Variants in RGS7 observed in about 807,000 individuals in gnomAD.
RGS7 encodes the protein regulator of G protein signaling 7, also known as regulator of G-protein signaling 7.
In RGS7, 27 loss-of-function variants were observed where a neutral mutation model predicts 81.1. The observed-to-expected ratio is 0.33, with a 90% CI of 0.25 to 0.46. RGS7 has a LOEUF of 0.46. Among genes scored for constraint, RGS7 ranks in the 20% least tolerant of loss-of-function variants. RGS7 has a pLI of 1.00. For missense variants in RGS7, 396 were observed against 607.4 expected, an observed-to-expected ratio of 0.65 and a Z score of 3.66; for synonymous variants, 208 against 207.7, an observed-to-expected ratio of 1.00 and a Z score of -0.01.
rs146390099 is a variant in RGS7, at chr1:241,202,201, T to C, written c.79-103439A>G. ...AGAGGTATTTCTGTACCTGTCTCTG[T>C]GGAACTTGCAAACACAGAAAAGAAC... On this transcript the variant is annotated intron_variant, in intron 2 of 18. Transcript: ENST00000440928. Among the ~76,000 whole-genome samples, 958 of 152,306 alleles carry C rather than the reference T, an allele frequency of 6.3e-3. 7 individuals are homozygous for C. The highest frequency in any genetic ancestry group is 0.011 in the Non-Finnish European group (720 of 68,020).
At chr1:241,250,281 T>A (rs2076765487) in intron 2 of RGS7, among the ~76,000 whole-genome samples, 1 of 152,148 alleles carries the variant, frequency 6.6e-6, no homozygotes, top group East Asian at 1.9e-4. Flanking sequence ...ACAGAGAATT[T>A]TATCGAGGGG....
chr1:241,301,679 A>C (rs372355083), intron 2 of RGS7, among the ~76,000 whole-genome samples: 20 of 152,232 alleles, frequency 1.3e-4, no homozygotes, highest in African/African-American at 4.1e-4. Context: ...TTTGGAAGTA[A>C]ACTGATCTAA....
At chr1:241,123,623 T>C (rs1289125898) in intron 2 of RGS7, among the ~76,000 whole-genome samples, 1 of 152,126 alleles carries the variant, frequency 6.6e-6, no homozygotes, top group Non-Finnish European at 1.5e-5. Context: ...TGGTGGCACA[T>C]GCCTGTAATC....
rs537222565 is a variant in RGS7 at position 240,852,639 on chromosome 1, C to T, written c.609+15948G>A. Among the ~76,000 whole-genome samples the T allele has an allele frequency of 1.4e-3, 207 of 152,208 alleles. 1 individual carries two copies. The highest frequency in any genetic ancestry group is 4.4e-3 in the African/African-American group (184 of 41,526). ...ATCTACTGCCCATCTTTTTCCCCAA[C>T]TTGATGAAGACAGAGGTATTGATTC... On this transcript the variant is annotated intron_variant, in intron 9 of 18. Coordinates refer to ENST00000440928, the MANE Select transcript of RGS7 (RefSeq NM_001364886.1).
chr1:240,997,778 C>T (rs1687519782), intron 3 of RGS7, among the ~76,000 whole-genome samples: 1 of 152,298 alleles, frequency 6.6e-6, no homozygotes, highest in Non-Finnish European at 1.5e-5. Flanking sequence ...GAGCGGAGAT[C>T]GTGCCACTGC....
At chr1:240,813,027 C>T (rs1408808638) in intron 13 of RGS7, among the ~76,000 whole-genome samples, 2 of 152,100 alleles carry the variant, frequency 1.3e-5, no homozygotes, top group Non-Finnish European at 2.9e-5. Context: ...TGTGACAGAG[C>T]ACCCATCTTT....
At chr1:241,278,121 T>C (rs971118184) in intron 2 of RGS7, among the ~76,000 whole-genome samples, 2 of 152,232 alleles carry the variant, frequency 1.3e-5, no homozygotes, top group South Asian at 4.1e-4. Context: ...CTTGGGTTAT[T>C]TCCAAACAGG....
chr1:241,037,698 G>A (rs1290373025), intron 3 of RGS7, among the ~76,000 whole-genome samples: 1 of 147,152 alleles, frequency 6.8e-6, no homozygotes, highest in Non-Finnish European at 1.5e-5. Flanking sequence ...TTCAGCCTGG[G>A]CAATAGAGTG....
At chr1:241,228,409 A>C (rs1287984720) in intron 2 of RGS7, among the ~76,000 whole-genome samples, 1 of 152,208 alleles carries the variant, frequency 6.6e-6, no homozygotes, top group African/African-American at 2.4e-5. Flanking sequence ...CACTAGGTTA[A>C]AAGGAGTTTG....
At chr1:241,155,160 C>T (rs1170710397) in intron 2 of RGS7, among the ~76,000 whole-genome samples, 3 of 152,112 alleles carry the variant, frequency 2.0e-5, no homozygotes, top group Non-Finnish European at 4.4e-5. Flanking sequence ...CACTGTCTTG[C>T]CTATGCTGGA....
At chr1:241,014,665 T>C (rs1044978961) in intron 3 of RGS7, among the ~76,000 whole-genome samples, 3 of 152,214 alleles carry the variant, frequency 2.0e-5, no homozygotes, top group African/African-American at 7.2e-5. Flanking sequence ...TTTATTATCA[T>C]CCTTTGAATA....
At chr1:241,165,558 CT>C (rs1264452153) in intron 2 of RGS7, among the ~76,000 whole-genome samples, 1 of 147,860 alleles carries the variant, frequency 6.8e-6, no homozygotes, top group Non-Finnish European at 1.5e-5. Flanking sequence ...CATATTCTCA[CT>C]CATAGGTGGG....
intron 10 of RGS7, among the ~76,000 whole-genome samples, chr1:240,824,316 G>T (rs1191150719): frequency 1.3e-5 from 2 of 152,202 alleles, no homozygotes; most frequent in Non-Finnish European, 2.9e-5. Context: ...CACTCCCAAA[G>T]AAATGAACAG....
intron 3 of RGS7, among the ~76,000 whole-genome samples, chr1:240,988,450 A>G (rs1156295631): frequency 6.6e-6 from 1 of 152,134 alleles, no homozygotes; most frequent in Non-Finnish European, 1.5e-5. Context: ...AAGTTAAAAC[A>G]CTGCAGACTT....
intron 4 of RGS7, among the ~76,000 whole-genome samples, chr1:240,980,575 C>A (rs771465206): frequency 6.6e-6 from 1 of 152,142 alleles, no homozygotes; most frequent in Non-Finnish European, 1.5e-5. Context: ...CCCTTCATGA[C>A]CAGTTTCAAA....
At chr1:241,047,168 A>G (rs9651083) in intron 3 of RGS7, among the ~76,000 whole-genome samples, 51,808 of 152,004 alleles carry the variant, frequency 0.34, 9,585 homozygotes, top group African/African-American at 0.47. Context: ...TGAGGTTTGC[A>G]CTGAATCCAC....
At position 241,211,217 on chromosome 1, in the gene RGS7, G is replaced by A. The variant is rs550823858; in HGVS notation, c.79-112455C>T. Among the ~76,000 whole-genome samples the A allele has an allele frequency of 7.4e-4, 112 of 152,234 alleles. 1 individual carries two copies. Among genetic ancestry groups the A allele is most frequent in the Middle Eastern group, 3.4e-3 (1 of 294 alleles). ...GGAGAATCACTTGAACCCGGGAGGG[G>A]GAGGTTGCAGTGAGCTGAGATGGCG... On this transcript the variant is annotated intron_variant, in intron 2 of 18. Transcript: ENST00000440928.
intron 2 of RGS7, among the ~76,000 whole-genome samples, chr1:241,334,385 C>A (rs1013354480): frequency 1.3e-5 from 2 of 152,246 alleles, no homozygotes; most frequent in South Asian, 4.2e-4. Flanking sequence ...CTCGGTACCA[C>A]GGTCCTGGGA....
intron 10 of RGS7, 78 bp from the exon 11 acceptor site, chr1:240,816,493 C>T (rs1690824259): frequency 1.1e-6 from 1 of 949,504 alleles, no homozygotes; most frequent in East Asian, 2.5e-5. Context: ...GTAACTCTAG[C>T]ATAAATTCAG....
Sources: allele counts gnomAD v4.1 joint callset (sites outside exome capture counted in the v4.1 genomes callset), GRCh38; gene constraint gnomAD v4.1.1; transcripts MANE v1.5; gene names NCBI Gene and HGNC (gene_info 2026-07-23, HGNC 2026-07-21).